The following TATDN2 variants were observed in gnomAD, a reference collection of about 807,000 sequenced individuals.
TATDN2 encodes 3'-5' RNA nuclease TATDN2.
A neutral mutation model predicts 60.3 loss-of-function variants in TATDN2; 44 were observed. The observed-to-expected ratio is 0.73, with a 90% CI of 0.57 to 0.94. The LOEUF (loss-of-function observed/expected upper bound fraction) is 0.94. Among genes scored for constraint, TATDN2 ranks in the 40% least tolerant of loss-of-function variants. TATDN2 has a pLI of 0.00. For missense variants in TATDN2, 997 were observed against 948.0 expected (o/e 1.05, Z -0.68); for synonymous variants, 399 against 355.8 (o/e 1.12, Z -1.37).
rs186229233 is a variant in TATDN2 at position 10,256,464 on chromosome 3, C to G, written c.415-3673C>G. ...GTGCTGGAATTGCAGGCATGAGCCACCACACCCAGCCTTGTTTTTTTTTTT... is the reference window on the plus strand; with the variant it reads ...GTGCTGGAATTGCAGGCATGAGCCAGCACACCCAGCCTTGTTTTTTTTTTT... On this transcript the variant is annotated intron_variant, in intron 2 of 7. Coordinates refer to ENST00000448281, the MANE Select transcript of TATDN2 (RefSeq NM_014760.4). 1.1e-3 allele frequency among the ~76,000 whole-genome samples: 173 copies of G among 151,678 alleles called. 2 individuals carry two copies. The highest frequency in any genetic ancestry group is 3.8e-3 in the African/African-American group (159 of 41,452).
chr3:10,253,659 C>T (rs1454696618), intron 2 of TATDN2, among the ~76,000 whole-genome samples: 1 of 152,212 alleles, frequency 6.6e-6, no homozygotes, highest in Non-Finnish European at 1.5e-5. Flanking sequence ...TATGATAAGG[C>T]TTGGTCAACT....
chr3:10,258,562 C>T (rs531216181), intron 2 of TATDN2, among the ~76,000 whole-genome samples: 1 of 151,744 alleles, frequency 6.6e-6, no homozygotes, highest in East Asian at 1.9e-4. Flanking sequence ...CCTCTGCCTT[C>T]CGATTCAAGC....
chr3:10,263,107 G>A (rs570576095), intron 3 of TATDN2, among the ~76,000 whole-genome samples: 12 of 152,040 alleles, frequency 7.9e-5, no homozygotes, highest in African/African-American at 2.9e-4. Flanking sequence ...CACCATTTTG[G>A]TGAGGCTGGT....
Position 10,249,000 on chromosome 3 carries a change from TCTC to T in TATDN2, c.-72_-70del. On this transcript the variant is annotated 5_prime_UTR_variant, in exon 1 of 8. Transcript: ENST00000448281. ...TAGTCAATTTTGGATCGCTTTGACT[TCTC>T]CAACACGGTTTGGCATCTCTGAAAC... 1 of 541,674 alleles carries T rather than the reference TCTC, an allele frequency of 1.8e-6. No homozygotes were observed. The highest frequency in any genetic ancestry group is 2.8e-6 in the Non-Finnish European group (1 of 352,610). The allele number at this position is 541,674 out of a possible 1,614,324, so 33.6% of individuals were successfully genotyped here. A position where few individuals can be genotyped will look rare whatever the true frequency, so the allele number is the denominator to read the frequency against.
In TATDN2 at chr3:10,270,389, A is replaced by G; in HGVS notation, c.1207A>G (p.Asn403Asp). ...SSYPSTGSSS[N>D]DAAQVGKSSR... ...CTACCCCTCCACAGGCAGCAGCAGC[A>G]ACGATGCAGCCCAGGTTGGGAAGAG... Residue 403 changes from asparagine (N) to aspartate (D), a missense_variant, in exon 4 of 8, where the codon AAC becomes GAC. Transcript: ENST00000448281. The G allele has an allele frequency of 1.2e-6, 2 of 1,614,210 alleles. No individual in the cohort carries two copies. Among genetic ancestry groups the G allele is most frequent in the Non-Finnish European group, 1.7e-6 (2 of 1,180,050 alleles).
At chr3:10,276,778 G>T (rs1202930900) in intron 5 of TATDN2, among the ~76,000 whole-genome samples, 2 of 152,204 alleles carry the variant, frequency 1.3e-5, no homozygotes, top group Admixed American at 6.5e-5. Context: ...AAGTAGAGAC[G>T]GGGTTTTGCC....
chr3:10,269,840 A>G (rs1698530503), intron 3 of TATDN2, among the ~76,000 whole-genome samples: 1 of 152,216 alleles, frequency 6.6e-6, no homozygotes, highest in African/African-American at 2.4e-5. Context: ...GTTTTTCTCA[A>G]GAGAAAGGGA....
intron 2 of TATDN2, 42 bp downstream of exon 2, chr3:10,249,656 A>C: frequency 6.7e-7 from 1 of 1,490,160 alleles, no homozygotes. Flanking sequence ...AGCCCCTTCC[A>C]CATGGCTTGA....
chr3:10,278,558 G>A lies in TATDN2; in HGVS notation c.2145+96G>A. 10 of 1,516,374 alleles carry A rather than the reference G, an allele frequency of 6.6e-6. No individual in the cohort carries two copies. Among genetic ancestry groups the A allele is most frequent in the Non-Finnish European group, 9.1e-6 (10 of 1,097,988 alleles). The allele number at this position is 1,516,374 out of a possible 1,614,324, so 93.9% of individuals were successfully genotyped here. ...AGGTTGGCAGGGCCAGAGCCCCAGT[G>A]ACTTCCAGGTCCCATCCTGGGCTGT... On this transcript the variant is annotated intron_variant, in intron 6 of 7. Coordinates refer to ENST00000448281, the MANE Select transcript of TATDN2 (RefSeq NM_014760.4). The surrounding 1 kb of genome is among the most constrained non-coding windows in gnomAD (Gnocchi z 4.7).
chr3:10,257,486 A>G (rs900910132), intron 2 of TATDN2, among the ~76,000 whole-genome samples: 15 of 149,410 alleles, frequency 1.0e-4, no homozygotes, highest in African/African-American at 3.7e-4. Context: ...AAAATTAGCC[A>G]GGTGTGATTG....
intron 4 of TATDN2, among the ~76,000 whole-genome samples, chr3:10,274,731 G>T (rs1277186047): frequency 6.6e-6 from 1 of 152,156 alleles, no homozygotes; most frequent in African/African-American, 2.4e-5. Flanking sequence ...TTTGATGTCT[G>T]TGGTCATTTT....
rs1698548052 is a variant in TATDN2 at position 10,270,669 on chromosome 3, T to C, written c.1487T>C (p.Ile496Thr). 3.7e-6 allele frequency: 6 copies of C among 1,614,118 alleles called. No individual in the cohort carries two copies. The highest frequency in any genetic ancestry group is 2.2e-5 in the East Asian group (1 of 44,898). Residue 496 changes from isoleucine (I) to threonine (T), a missense_variant, in exon 4 of 8, where the codon ATT becomes ACT. Ile to Thr is a moderately conservative substitution (Grantham distance 89). Transcript: ENST00000448281. The stretch of plus-strand genomic sequence containing the variant: ...GAGCCAAGCCTAGAGGAGGGCTTCA[T>C]TGACACTCATTGTCACCTGGACATG... ...HLEPSLEEGF[I>T]DTHCHLDMLY...
chr3:10,250,487 T>C (rs1698206295), intron 2 of TATDN2, among the ~76,000 whole-genome samples: 1 of 152,020 alleles, frequency 6.6e-6, no homozygotes, highest in African/African-American at 2.4e-5. Flanking sequence ...AACAGTCTTA[T>C]TTGGGATCAG....
intron 2 of TATDN2, among the ~76,000 whole-genome samples, chr3:10,250,785 C>T (rs1447720867): frequency 6.6e-6 from 1 of 152,184 alleles, no homozygotes; most frequent in African/African-American, 2.4e-5. Context: ...CTGAATTTGT[C>T]TCAAATCAGG....
chr3:10,250,639 G>C (rs1698207756), intron 2 of TATDN2, among the ~76,000 whole-genome samples: 1 of 152,196 alleles, frequency 6.6e-6, no homozygotes, highest in African/African-American at 2.4e-5. Context: ...TTGTCTTGGG[G>C]ACTCATAGGC....
At chr3:10,257,148 G>A (rs779612810) in intron 2 of TATDN2, among the ~76,000 whole-genome samples, 2 of 151,260 alleles carry the variant, frequency 1.3e-5, no homozygotes, top group Non-Finnish European at 2.9e-5. Context: ...CAGGTGTGGT[G>A]GCAGATGCCT....
intron 2 of TATDN2, among the ~76,000 whole-genome samples, chr3:10,258,255 TTATAA>T (rs1417169470): frequency 1.3e-5 from 2 of 151,872 alleles, no homozygotes; most frequent in Non-Finnish European, 2.9e-5. Context: ...TACAAGAAGC[TTATAA>T]TATAAGCACC....
chr3:10,268,481 A>G (rs1003041012), intron 3 of TATDN2, among the ~76,000 whole-genome samples: 3 of 152,226 alleles, frequency 2.0e-5, no homozygotes, highest in Non-Finnish European at 4.4e-5. Context: ...TGTCATTGGC[A>G]GGTATAGATG....
In TATDN2 at chr3:10,270,854, TG is replaced by T; in HGVS notation, c.1678del (p.Ala560ProfsTer24). 2 of 1,614,180 alleles carry T rather than the reference TG, an allele frequency of 1.2e-6. No individual in the cohort carries two copies. Among genetic ancestry groups the T allele is most frequent in the Non-Finnish European group, 1.7e-6 (2 of 1,180,022 alleles). ...WEELLKEDLV[W>X]GAFGCHPHFA... is the part of the protein sequence containing the mutation. ...GGAGCTGTTGAAAGAGGATCTGGTC[TG>T]GGGGGCCTTTGGCTGTCACCCTCAT... On this transcript the variant is annotated frameshift_variant, in exon 4 of 8. Transcript: ENST00000448281. LOFTEE classifies it high-confidence loss of function.
Sources: gnomAD v4.1 joint callset for allele counts (sites outside exome capture counted in the v4.1 genomes callset) on GRCh38, gnomAD v4.1.1 for gene constraint, Gnocchi (gnomAD v3.1) non-coding constraint, MANE v1.5 for transcripts, NCBI Gene and HGNC (gene_info 2026-07-23, HGNC 2026-07-21) for gene names.